Variants in HCK observed in about 807,000 individuals in gnomAD.
HCK encodes the protein tyrosine-protein kinase HCK.
A neutral mutation model predicts 70.4 loss-of-function variants in HCK; 40 were observed. The observed-to-expected ratio is 0.57, with a 90% CI of 0.44 to 0.74. HCK has a LOEUF of 0.74. Among genes scored for constraint, HCK ranks in the 30% least tolerant of loss-of-function variants. The pLI is 0.00. For missense variants in HCK, 568 were observed against 697.2 expected, an observed-to-expected ratio of 0.81 and a Z score of 2.09; for synonymous variants, 245 against 263.2, an observed-to-expected ratio of 0.93 and a Z score of 0.67.
chr20:32,086,018 TTTTG>T (rs761682366), intron 8 of HCK, among the ~76,000 whole-genome samples: 66 of 152,208 alleles, frequency 4.3e-4, no homozygotes, highest in African/African-American at 1.1e-3. Context: ...TGTTTGGGTT[TTTTG>T]TTTGTTTGTT....
chr20:32,093,713 C>G, intron 10 of HCK, 150 bp from the exon 11 acceptor site: 1 of 685,194 alleles, frequency 1.5e-6, no homozygotes, highest in Non-Finnish European at 2.4e-6. Flanking sequence ...GAATGCCACC[C>G]TGAGCCCTGG....
At chr20:32,054,475 T>A (rs75506866) in intron 1 of HCK, among the ~76,000 whole-genome samples, 4 of 15,884 alleles carry the variant, frequency 2.5e-4, no homozygotes, top group East Asian at 2.4e-3. Flanking sequence ...AAACTCCACC[T>A]AAAAAAAAAA....
At chr20:32,097,617 G>A (rs2045974440) in intron 11 of HCK, among the ~76,000 whole-genome samples, 1 of 151,212 alleles carries the variant, frequency 6.6e-6, no homozygotes, top group African/African-American at 2.5e-5. Context: ...TAAATGTAAT[G>A]ACTAAAGGAA....
Position 32,094,807 on chromosome 20 carries a change from A to AAG in HCK, c.1246+793_1246+794dup, listed in dbSNP as rs1569010749. Among the ~76,000 whole-genome samples the AAG allele has an allele frequency of 7.6e-3, 676 of 89,162 alleles. 13 individuals carry two copies. The highest frequency in any genetic ancestry group is 0.017 in the African/African-American group (523 of 29,934). 58.5% of individuals were successfully genotyped at this position (89,162 alleles called of 152,430 possible). ...AGAAAGAGAAAGAAAGAAAGAAAGA[A>AAG]AGAAAGAAAGAAAGAAAGAAAGAAA... On this transcript the variant is annotated intron_variant, in intron 11 of 12. Transcript: ENST00000375852.
chr20:32,067,754 T>C (rs2045480375), intron 1 of HCK, among the ~76,000 whole-genome samples: 1 of 152,062 alleles, frequency 6.6e-6, no homozygotes. Context: ...CATGTTTGCA[T>C]ATGGTGGCTC....
intron 11 of HCK, among the ~76,000 whole-genome samples, chr20:32,094,791 A>AAGAAAGAAAGACAGAGAAAG (rs1569010434): frequency 2.3e-4 from 5 of 21,760 alleles, no homozygotes; most frequent in Admixed American, 5.3e-4. Flanking sequence ...GAGAAAGAGA[A>AAGAAAGAAAGACAGAGAAAG]AGAAAGAAAG....
chr20:32,069,389 T>C (rs1429247179), intron 1 of HCK, among the ~76,000 whole-genome samples: 1 of 152,206 alleles, frequency 6.6e-6, no homozygotes, highest in Non-Finnish European at 1.5e-5. Context: ...TGCAGATCAG[T>C]GGGTGCCCAG....
chr20:32,059,203 G>A (rs1249613576), intron 1 of HCK, among the ~76,000 whole-genome samples: 1 of 152,172 alleles, frequency 6.6e-6, no homozygotes, highest in East Asian at 1.9e-4. Flanking sequence ...ATATCTGGGT[G>A]GGGAAAGAGG....
intron 11 of HCK, among the ~76,000 whole-genome samples, chr20:32,094,303 A>G (rs2045904010): frequency 6.6e-6 from 1 of 152,180 alleles, no homozygotes; most frequent in African/African-American, 2.4e-5. Context: ...ATAACAGACA[A>G]AAATGGGGAG....
At chr20:32,075,253 CACCA>C (rs1348621869) in intron 5 of HCK, among the ~76,000 whole-genome samples, 1 of 152,140 alleles carries the variant, frequency 6.6e-6, no homozygotes, top group African/African-American at 2.4e-5. Context: ...AATGCAGTAG[CACCA>C]TCACAGCTCA....
rs897212565 is a variant in HCK, at chr20:32,058,029, G to T, written c.62+5543G>T. ...TTCGAGTCACCTCCCTGAGTTCCAG[G>T]CATCACCCTGAAATCCTTTGGCCCA... On this transcript the variant is annotated intron_variant, in intron 1 of 12. Coordinates refer to ENST00000375852, the MANE Select transcript of HCK (RefSeq NM_002110.5). 7.9e-5 allele frequency among the ~76,000 whole-genome samples: 12 copies of T among 152,258 alleles called. 1 individual carries two copies. The highest frequency in any genetic ancestry group is 2.9e-4 in the African/African-American group (12 of 41,546).
chr20:32,077,991 C>T (rs1181042131), intron 5 of HCK, among the ~76,000 whole-genome samples: 1 of 152,000 alleles, frequency 6.6e-6, no homozygotes, highest in East Asian at 1.9e-4. Context: ...GGGATAACTT[C>T]CTAGGACCAG....
Position 32,088,628 on chromosome 20 carries a change from T to C in HCK, c.1076T>C (p.Ile359Thr), listed in dbSNP as rs151054795. The C allele has an allele frequency of 3.4e-5, 55 of 1,613,864 alleles. No homozygotes were observed. The highest frequency in any genetic ancestry group is 5.3e-5 in the African/African-American group (4 of 74,894). The change falls in exon 10 of 13, where the codon ATT becomes ACT. Residue 359 changes from isoleucine to threonine, a missense_variant. By Grantham distance (89) the Ile-to-Thr change is moderately conservative. Around this residue, in one of 4 missense-constraint regions of HCK, gnomAD observed 160 missense variants for 237.5 expected, o/e 0.67. Coordinates refer to ENST00000375852, the MANE Select transcript of HCK (RefSeq NM_002110.5). ...AGCAAGCAGCCATTGCCAAAACTCA[T>C]TGACTTCTCAGCCCAGGTGAGAGCC... is the stretch of plus-strand genomic sequence containing the variant.
At chr20:32,060,466 C>T (rs1276559820) in intron 1 of HCK, among the ~76,000 whole-genome samples, 2 of 152,078 alleles carry the variant, frequency 1.3e-5, no homozygotes, top group African/African-American at 2.4e-5. Flanking sequence ...GGTGATCCGC[C>T]TGCTGACCTC....
Position 32,079,842 on chromosome 20 carries a change from G to C in HCK, c.497G>C (p.Gly166Ala). The C allele has an allele frequency of 1.2e-6, 2 of 1,614,024 alleles. No individual in the cohort carries two copies. The highest frequency in any genetic ancestry group is 1.7e-6 in the Non-Finnish European group (2 of 1,179,884). ...CTGCTGGCTCCCGGCAACATGCTGG[G>C]CTCCTTCATGATCCGGGATAGCGAG... The change falls in exon 6 of 13, where the codon GGC becomes GCC. Residue 166 changes from glycine (G) to alanine (A), a missense_variant. This residue lies in a region of HCK where 318 missense variants were observed against 336.0 expected (regional missense o/e 0.95). Transcript: ENST00000375852.
At chr20:32,055,431 T>C (rs930556938) in intron 1 of HCK, among the ~76,000 whole-genome samples, 3 of 152,210 alleles carry the variant, frequency 2.0e-5, no homozygotes, top group Admixed American at 6.5e-5. Context: ...CTTTATGTAG[T>C]CTTTTCTATG....
At chr20:32,077,669 G>A (rs2045646417) in intron 5 of HCK, among the ~76,000 whole-genome samples, 2 of 152,240 alleles carry the variant, frequency 1.3e-5, no homozygotes, top group South Asian at 4.1e-4. Context: ...TGGGATTACA[G>A]GCATGCGCCA....
Position 32,101,605 on chromosome 20 carries a change from T to C in HCK, c.*86T>C. 8.9e-7 allele frequency: 1 copy of C among 1,124,558 alleles called. No individual in the cohort carries two copies. Among genetic ancestry groups the C allele is most frequent in the Non-Finnish European group, 1.3e-6 (1 of 779,442 alleles). 69.7% of individuals were successfully genotyped at this position (1,124,558 alleles called of 1,614,324 possible). On this transcript the variant is annotated 3_prime_UTR_variant, in exon 13 of 13. Coordinates refer to ENST00000375852, the MANE Select transcript of HCK (RefSeq NM_002110.5). The stretch of plus-strand genomic sequence containing the variant: ...ACCATCCGCCAGGGCCCACACCCCC[T>C]TCCTACTCCCAGACACCCACCCTCG...
chr20:32,065,322 A>T (rs2045439704), intron 1 of HCK, among the ~76,000 whole-genome samples: 1 of 152,238 alleles, frequency 6.6e-6, no homozygotes, highest in South Asian at 2.1e-4. Flanking sequence ...GTGTGACCCA[A>T]GAATATGCAA....
Sources: allele counts gnomAD v4.1 joint callset (sites outside exome capture counted in the v4.1 genomes callset), GRCh38; gene constraint gnomAD v4.1.1; regional missense constraint gnomAD v4.1.1; transcripts MANE v1.5; gene names NCBI Gene and HGNC (gene_info 2026-07-23, HGNC 2026-07-21).